COL25A1: variants seen among roughly 807,000 people sequenced by gnomAD.
COL25A1 encodes collagen type XXV alpha 1 chain.
COL25A1 carries 103 observed loss-of-function variants against 128.4 expected under a neutral mutation model. That is an observed-to-expected ratio of 0.80 (90% CI 0.68 to 0.94). COL25A1 has a LOEUF of 0.94. Among genes scored for constraint, COL25A1 ranks in the 40% least tolerant of loss-of-function variants. COL25A1 has a pLI of 0.00. For missense variants in COL25A1, 745 were observed against 840.0 expected (o/e 0.89, Z 1.40); for synonymous variants, 279 against 277.2 (o/e 1.01, Z -0.06).
chr4:109,242,931 A>G (rs1779995367), intron 3 of COL25A1, among the ~76,000 whole-genome samples: 1 of 151,972 alleles, frequency 6.6e-6, no homozygotes, highest in South Asian at 2.1e-4. Context: ...CCTAAAATCT[A>G]CTCTTTTAGC....
intron 3 of COL25A1, among the ~76,000 whole-genome samples, chr4:109,283,331 C>T (rs1192554882): frequency 6.6e-6 from 1 of 152,148 alleles, no homozygotes; most frequent in Non-Finnish European, 1.5e-5. Context: ...CATATAACCT[C>T]GAACTTCTGG....
intron 3 of COL25A1, among the ~76,000 whole-genome samples, chr4:109,130,925 T>A (rs953829145): frequency 6.6e-6 from 1 of 152,192 alleles, no homozygotes; most frequent in Non-Finnish European, 1.5e-5. Context: ...TTTAAAGGAA[T>A]GATAGAAAGA....
At chr4:109,239,311 A>G (rs1010747335) in intron 3 of COL25A1, among the ~76,000 whole-genome samples, 1 of 147,540 alleles carries the variant, frequency 6.8e-6, no homozygotes, top group African/African-American at 2.5e-5. Context: ...TATTATATTT[A>G]TATTATAGTA....
chr4:109,258,922 A>C (rs1781256105), intron 3 of COL25A1, among the ~76,000 whole-genome samples: 1 of 152,222 alleles, frequency 6.6e-6, no homozygotes, highest in Non-Finnish European at 1.5e-5. Context: ...TCCAGCTAAA[A>C]GTCATGGTCT....
At chr4:108,906,304 G>A (rs1482621643) in intron 13 of COL25A1, among the ~76,000 whole-genome samples, 5 of 152,012 alleles carry the variant, frequency 3.3e-5, no homozygotes, top group South Asian at 2.1e-4. Flanking sequence ...GCACCTAGGC[G>A]TTCTCTAACG....
At chr4:109,226,224 AAG>A (rs1489423552) in intron 3 of COL25A1, among the ~76,000 whole-genome samples, 10 of 152,070 alleles carry the variant, frequency 6.6e-5, no homozygotes, top group Non-Finnish European at 1.2e-4. Context: ...GGAGTCTCAG[AAG>A]AATGGGAGGT....
intron 3 of COL25A1, among the ~76,000 whole-genome samples, chr4:109,239,394 G>GTATATATA (rs144842941): frequency 2.6e-5 from 3 of 116,578 alleles, no homozygotes; most frequent in Non-Finnish European, 5.0e-5. Flanking sequence ...GTGTGTGTGT[G>GTATATATA]TATATATATA....
chr4:109,281,200 T>C (rs1723360429), intron 3 of COL25A1, among the ~76,000 whole-genome samples: 1 of 152,196 alleles, frequency 6.6e-6, no homozygotes, highest in Non-Finnish European at 1.5e-5. Flanking sequence ...TACCATTCAA[T>C]AGTTTTCAAA....
chr4:108,876,394 T>G (rs982277164), intron 19 of COL25A1, among the ~76,000 whole-genome samples: 4 of 152,054 alleles, frequency 2.6e-5, no homozygotes, highest in African/African-American at 9.7e-5. Flanking sequence ...CCTTTCCACA[T>G]TACCGTAAAA....
intron 3 of COL25A1, among the ~76,000 whole-genome samples, chr4:109,180,458 CTT>C (rs1774521144): frequency 6.6e-6 from 1 of 152,050 alleles, no homozygotes; most frequent in Admixed American, 6.6e-5. Context: ...CCTAACCTCT[CTT>C]TGCTTCTGTT....
chr4:108,861,147 C>T (rs745816367), intron 22 of COL25A1, among the ~76,000 whole-genome samples, 176 bp from the exon 23 acceptor site: 28 of 152,082 alleles, frequency 1.8e-4, no homozygotes, highest in Non-Finnish European at 3.7e-4. Flanking sequence ...TTGAAAAGAA[C>T]TAAAATTCCT....
chr4:109,020,654 T>C (rs1317920376), intron 5 of COL25A1, among the ~76,000 whole-genome samples: 2 of 152,172 alleles, frequency 1.3e-5, no homozygotes, highest in Non-Finnish European at 2.9e-5. Flanking sequence ...TTTTAAAATA[T>C]TATATTTTCT....
rs78159334 is a variant in COL25A1 at position 108,832,892 on chromosome 4, G to A, written c.1657-459C>T. On this transcript the variant is annotated intron_variant, in intron 31 of 37. Transcript: ENST00000399132. The stretch of plus-strand genomic sequence containing the variant: ...GACGGGTGCCTGCATTCCCCTACTC[G>A]GGAGGCTGAGACTGTAGTGAGCCAA... 8.8e-3 allele frequency among the ~76,000 whole-genome samples: 1,331 copies of A among 151,726 alleles called. 25 individuals carry two copies. Among genetic ancestry groups the A allele is most frequent in the African/African-American group, 0.031 (1,264 of 41,360 alleles).
At chr4:108,890,244 C>A (rs758455329) in intron 16 of COL25A1, among the ~76,000 whole-genome samples, 14 of 152,144 alleles carry the variant, frequency 9.2e-5, no homozygotes, top group Non-Finnish European at 1.5e-4. Context: ...TAGAAAAAGC[C>A]ACGCAGCAGA....
intron 32 of COL25A1, among the ~76,000 whole-genome samples, chr4:108,828,180 G>A (rs1732613487): frequency 6.6e-6 from 1 of 152,102 alleles, no homozygotes; most frequent in Admixed American, 6.5e-5. Context: ...TTGCTCTGTT[G>A]CCCGGGCTAG....
At chr4:108,872,670 G>A (rs995761065) in intron 19 of COL25A1, among the ~76,000 whole-genome samples, 1 of 149,100 alleles carries the variant, frequency 6.7e-6, no homozygotes, top group Admixed American at 6.8e-5. Context: ...ATTAAGTCAG[G>A]CATTAGATTT....
chr4:108,833,154 A>T (rs1733368537), intron 31 of COL25A1, among the ~76,000 whole-genome samples: 1 of 152,194 alleles, frequency 6.6e-6, no homozygotes, highest in Non-Finnish European at 1.5e-5. Context: ...AGAGGCTTGA[A>T]CTGTTACACA....
chr4:108,927,227 T>C (rs1746171209), intron 11 of COL25A1, among the ~76,000 whole-genome samples: 1 of 152,208 alleles, frequency 6.6e-6, no homozygotes. Context: ...GCTTGTTTTT[T>C]TCCTTTGTGT....
At chr4:108,938,399 T>C (rs1390856239) in intron 10 of COL25A1, among the ~76,000 whole-genome samples, 2 of 152,158 alleles carry the variant, frequency 1.3e-5, no homozygotes, top group African/African-American at 4.8e-5. Flanking sequence ...TCAAAATAAG[T>C]ATTTCACAGT....
Sources: allele counts gnomAD v4.1 joint callset (sites outside exome capture counted in the v4.1 genomes callset), GRCh38; gene constraint gnomAD v4.1.1; transcripts MANE v1.5; gene names NCBI Gene and HGNC (gene_info 2026-07-23, HGNC 2026-07-21).